The following MOXD1 variants were observed in gnomAD, a reference collection of about 807,000 sequenced individuals.
MOXD1 encodes the protein DBH-like monooxygenase protein 1.
Under a neutral mutation model 66.6 loss-of-function variants are expected in MOXD1, and 62 were observed. The observed-to-expected ratio is 0.93, with a 90% CI of 0.76 to 1.15. The LOEUF (loss-of-function observed/expected upper bound fraction) is 1.15. Among genes scored for constraint, MOXD1 ranks in the 50% most tolerant of loss-of-function variants. The pLI is 0.00. For synonymous variants in MOXD1, 303 were observed against 281.9 expected, an observed-to-expected ratio of 1.07 and a Z score of -0.75; for missense variants, 847 against 754.6, an observed-to-expected ratio of 1.12 and a Z score of -1.44.
Position 132,322,790 on chromosome 6 carries a change from C to G in MOXD1, c.1194G>C (p.Arg398Ser), listed in dbSNP as rs1241425006. ...CCTTCCCTTTTCGAAAATGACGCAG[C>G]CTGATGCCTCTGCCAGCCAGGTGAG... ...LHAHLAGRGI[R>S]LRHFRKGKEM... is the part of the protein sequence containing the mutation. Residue 398 changes from arginine to serine, a missense_variant, in exon 8 of 12, where the codon AGG becomes AGC. By Grantham distance (110) the Arg-to-Ser change is moderately radical (BLOSUM62 -1). Coordinates refer to ENST00000367963, the MANE Select transcript of MOXD1 (RefSeq NM_015529.4). The G allele has an allele frequency of 1.2e-6, 2 of 1,614,054 alleles. No homozygotes were observed. The highest frequency in any genetic ancestry group is 1.6e-4 in the Middle Eastern group (1 of 6,062).
chr6:132,324,385 C>A (rs1052656634), intron 6 of MOXD1, among the ~76,000 whole-genome samples: 1 of 152,074 alleles, frequency 6.6e-6, no homozygotes, highest in Non-Finnish European at 1.5e-5. Context: ...CTGTTATATT[C>A]CACAATTATC....
intron 1 of MOXD1, among the ~76,000 whole-genome samples, chr6:132,381,585 T>G (rs1226630241): frequency 1.3e-5 from 2 of 151,998 alleles, no homozygotes; most frequent in Non-Finnish European, 2.9e-5. Flanking sequence ...CAGTCAGCAA[T>G]AAAACCATCA....
At chr6:132,361,249 C>T (rs1314060328) in intron 4 of MOXD1, among the ~76,000 whole-genome samples, 2 of 151,612 alleles carry the variant, frequency 1.3e-5, no homozygotes, top group African/African-American at 4.8e-5. Context: ...CCCCTTCTAT[C>T]TGAATTAGTT....
Position 132,374,652 on chromosome 6 carries a change from G to A in MOXD1, c.390C>T (p.Asp130=). The A allele has an allele frequency of 6.2e-7, 1 of 1,613,806 alleles. No homozygotes were observed. ...TTACCGTTATACTCTTGTCATTTAT[G>A]TCACATGTATGCAGCTCTCTGGTAA... ...IEFTRELHTC[D]INDKSITDST... is the part of the protein sequence containing the mutation. Residue 130 remains aspartate, a synonymous_variant, in exon 2 of 12, where the codon GAC becomes GAT. Coordinates refer to ENST00000367963, the MANE Select transcript of MOXD1 (RefSeq NM_015529.4).
intron 10 of MOXD1, among the ~76,000 whole-genome samples, chr6:132,300,218 T>A (rs1774502299): frequency 6.6e-6 from 1 of 152,066 alleles, no homozygotes; most frequent in African/African-American, 2.4e-5. Flanking sequence ...TACATAAACA[T>A]ACCTAGCAAT....
At chr6:132,303,284 T>C (rs1246079142) in intron 10 of MOXD1, among the ~76,000 whole-genome samples, 4 of 152,088 alleles carry the variant, frequency 2.6e-5, no homozygotes, top group Admixed American at 2.6e-4. Flanking sequence ...ATCCAAAGTA[T>C]AAAGAATTCT....
chr6:132,329,735 GA>G, intron 4 of MOXD1, among the ~76,000 whole-genome samples: 1 of 151,530 alleles, frequency 6.6e-6, no homozygotes, highest in East Asian at 1.9e-4. Flanking sequence ...GATTTCCTAA[GA>G]AAAAAAATCC....
chr6:132,306,064 G>A (rs1286240347), intron 10 of MOXD1, among the ~76,000 whole-genome samples: 1 of 152,034 alleles, frequency 6.6e-6, no homozygotes, highest in Non-Finnish European at 1.5e-5. Flanking sequence ...TAAAAACTAT[G>A]CTGGGCTAAA....
At chr6:132,298,011 T>C in intron 10 of MOXD1, 56 bp from the exon 11 acceptor site, 2 of 1,470,960 alleles carry the variant, frequency 1.4e-6, no homozygotes. Flanking sequence ...ACATGTTTCC[T>C]TTACTTTTCA....
chr6:132,366,506 A>T (rs959848251), intron 4 of MOXD1, among the ~76,000 whole-genome samples: 21 of 151,960 alleles, frequency 1.4e-4, no homozygotes, highest in Non-Finnish European at 1.2e-4. Flanking sequence ...CGGGGGAAAA[A>T]CTGCATCAAT....
At chr6:132,329,083 G>A (rs1465571204) in intron 4 of MOXD1, among the ~76,000 whole-genome samples, 2 of 151,968 alleles carry the variant, frequency 1.3e-5, no homozygotes, top group African/African-American at 2.4e-5. Context: ...TCATTTACAT[G>A]AGGTATATCT....
intron 4 of MOXD1, among the ~76,000 whole-genome samples, chr6:132,344,812 C>T (rs76917422): frequency 0.013 from 1,906 of 152,302 alleles, 47 homozygotes; most frequent in African/African-American, 0.043. Flanking sequence ...GAGCACTACC[C>T]AACTTTGGGT....
chr6:132,328,250 A>T (rs1344511780), intron 5 of MOXD1, 135 bp from the exon 6 acceptor site: 1 of 1,200,270 alleles, frequency 8.3e-7, no homozygotes, highest in South Asian at 1.5e-5. Context: ...GAAATAAAAT[A>T]AAAATGACTT....
rs751748575 is a variant in MOXD1 at position 132,315,707 on chromosome 6, C to A, written c.1436G>T (p.Arg479Leu). ...LLYYPRINLTRCASIPDIMEQ... is the reference protein window; with the variant it reads ...LLYYPRINLTLCASIPDIMEQ... The stretch of plus-strand genomic sequence containing the variant: ...CATAATGTCTGGAATACTTGCACAT[C>A]GAGTAAGATTAATTCTTGGGTAATA... The change falls in exon 10 of 12, where the codon CGA becomes CTA. Residue 479 changes from arginine (R) to leucine (L), a missense_variant. Arg to Leu is a moderately radical substitution (Grantham distance 102, BLOSUM62 -2). Transcript: ENST00000367963. 10 of 1,613,170 alleles carry A rather than the reference C, an allele frequency of 6.2e-6. No individual in the cohort carries two copies. The highest frequency in any genetic ancestry group is 1.7e-5 in the Admixed American group (1 of 59,982).
rs182676793 is a variant in MOXD1, at chr6:132,337,837, G to C, written c.664-9243C>G. On this transcript the variant is annotated intron_variant, in intron 4 of 11. Coordinates refer to ENST00000367963, the MANE Select transcript of MOXD1 (RefSeq NM_015529.4). ...TCAATTACTTGAGATATTCAATACA[G>C]CAGAGATCACCTAGAACTTTATGAA... Among the ~76,000 whole-genome samples, 626 of 152,212 alleles carry C rather than the reference G, an allele frequency of 4.1e-3. 5 individuals are homozygous for C. Among genetic ancestry groups the C allele is most frequent in the Middle Eastern group, 0.024 (7 of 294 alleles).
At chr6:132,352,229 T>A (rs955095876) in intron 4 of MOXD1, among the ~76,000 whole-genome samples, 1 of 152,174 alleles carries the variant, frequency 6.6e-6, no homozygotes, top group South Asian at 2.1e-4. Flanking sequence ...CCTTAGAATG[T>A]CAGTTTGTGC....
intron 4 of MOXD1, among the ~76,000 whole-genome samples, chr6:132,334,862 A>G (rs1443085771): frequency 6.6e-6 from 1 of 151,870 alleles, no homozygotes; most frequent in East Asian, 1.9e-4. Flanking sequence ...AAAGTAATGA[A>G]ACGATTCAAA....
chr6:132,297,532 A>G (rs1367280194), intron 11 of MOXD1, among the ~76,000 whole-genome samples: 1 of 151,988 alleles, frequency 6.6e-6, no homozygotes, highest in African/African-American at 2.4e-5. Context: ...AGCAGGCTCT[A>G]TTGCTTTTTG....
chr6:132,389,552 A>G (rs1443170231), intron 1 of MOXD1, among the ~76,000 whole-genome samples: 1 of 151,556 alleles, frequency 6.6e-6, no homozygotes, highest in Non-Finnish European at 1.5e-5. Flanking sequence ...CCACCTCCCA[A>G]GGATTGTGCT....
Sources: allele counts gnomAD v4.1 joint callset (sites outside exome capture counted in the v4.1 genomes callset), GRCh38; gene constraint gnomAD v4.1.1; transcripts MANE v1.5; gene names NCBI Gene and HGNC (gene_info 2026-07-23, HGNC 2026-07-21).